Variants in CAPN10 observed in about 807,000 individuals in gnomAD.
CAPN10 encodes calpain-10.
A neutral mutation model predicts 78.4 loss-of-function variants in CAPN10; 71 were observed. The ratio of observed to expected loss-of-function variants is 0.91; its 90% CI spans 0.75 to 1.10. The LOEUF (loss-of-function observed/expected upper bound fraction) is 1.10, where lower values mean the gene tolerates loss of function less well. Among genes scored for constraint, CAPN10 ranks in the 50% least tolerant of loss-of-function variants. The pLI is 0.00. For missense variants in CAPN10, 849 were observed against 924.6 expected, an observed-to-expected ratio of 0.92 and a Z score of 1.06; for synonymous variants, 437 against 407.2, an observed-to-expected ratio of 1.07 and a Z score of -0.88.
At chr2:240,594,834 G>A (rs2093126004) in intron 6 of CAPN10, 125 bp downstream of exon 6, 2 of 1,253,266 alleles carry the variant, frequency 1.6e-6, no homozygotes, top group Admixed American at 4.5e-5. Context: ...AGATGATTCT[G>A]TCCCAGGAGC....
intron 6 of CAPN10, 42 bp from the exon 7 acceptor site, chr2:240,594,982 G>A (rs1338764465): frequency 6.2e-7 from 1 of 1,600,240 alleles, no homozygotes; most frequent in East Asian, 2.2e-5. Flanking sequence ...AGGCCAGCGA[G>A]GAGCCGTGTC....
At chr2:240,589,285 AG>A in intron 1 of CAPN10, 57 bp from the exon 2 acceptor site, 1 of 1,610,846 alleles carries the variant, frequency 6.2e-7, no homozygotes, top group Non-Finnish European at 8.5e-7. Context: ...TTGGGTTCTT[AG>A]TTTGAAGGGT....
chr2:240,589,416 A>G lies in CAPN10; in HGVS notation c.215A>G (p.Asp72Gly), dbSNP rs1575445514. The change falls in exon 2 of 12, where the codon GAT (aspartate) becomes GGT (glycine). Residue 72 changes from aspartate to glycine, a missense_variant. Transcript: ENST00000391984. The part of the protein sequence containing the change: ...EGQVKQGLLG[D>G]CWFLCACAAL... ...CAGGTGAAGCAGGGGCTGCTGGGGG[A>G]TTGCTGGTTCCTGTGTGCCTGCGCC... The G allele has an allele frequency of 1.2e-6, 2 of 1,613,842 alleles. No homozygotes were observed. Among genetic ancestry groups the G allele is most frequent in the Non-Finnish European group, 1.7e-6 (2 of 1,179,992 alleles).
intron 9 of CAPN10, among the ~76,000 whole-genome samples, 161 bp from the exon 10 acceptor site, chr2:240,597,727 C>G (rs1024225661): frequency 3.9e-5 from 6 of 152,128 alleles, no homozygotes; most frequent in African/African-American, 1.4e-4. Flanking sequence ...GTGGCCAGGC[C>G]TTGGTGAGGA....
intron 7 of CAPN10, 94 bp downstream of exon 7, chr2:240,595,398 T>C: frequency 1.5e-6 from 2 of 1,360,968 alleles, no homozygotes; most frequent in South Asian, 1.3e-5. Flanking sequence ...CCGGGACACA[T>C]GTGACTCTGC....
At chr2:240,587,168 G>A in intron 1 of CAPN10, 116 bp downstream of exon 1, 1 of 528,832 alleles carries the variant, frequency 1.9e-6, no homozygotes, top group East Asian at 3.5e-5. Flanking sequence ...GTCCGCCGTT[G>A]TTCTCCTCAG....
intron 3 of CAPN10, chr2:240,591,396 C>A (rs2093101147): frequency 4.1e-6 from 1 of 242,848 alleles, no homozygotes; most frequent in Non-Finnish European, 8.0e-6. Flanking sequence ...CCCAGCATAC[C>A]AACACTTGTG....
chr2:240,598,010 C>T lies in CAPN10; in HGVS notation c.1866C>T (p.Thr622=). The T allele has an allele frequency of 6.2e-7, 1 of 1,613,256 alleles. No homozygotes were observed. The highest frequency in any genetic ancestry group is 1.1e-5 in the South Asian group (1 of 91,078). The change falls in exon 10 of 12, where the codon ACC becomes ACT. Residue 622 remains threonine (T), a synonymous_variant. Coordinates refer to ENST00000391984, the MANE Select transcript of CAPN10 (RefSeq NM_023083.4). The part of the protein sequence containing the change: ...VSRLCLLPAG[T]YKVVPSTYLP... ...GGCTCTGCCTCCTGCCTGCGGGCACCTACAAGGTTGTGCCCTCCACCTACC... is the reference window on the plus strand; with the variant it reads ...GGCTCTGCCTCCTGCCTGCGGGCACTTACAAGGTTGTGCCCTCCACCTACC...
At chr2:240,592,291 G>A (rs2093107515) in intron 4 of CAPN10, 141 bp downstream of exon 4, 1 of 781,720 alleles carries the variant, frequency 1.3e-6, no homozygotes, top group Non-Finnish European at 2.1e-6. Flanking sequence ...GTTCTCAAGG[G>A]TGGTGTCCTC....
chr2:240,592,380 CGAGGCAG>C (rs1298689392), intron 4 of CAPN10: 36 of 693,846 alleles, frequency 5.2e-5, no homozygotes, highest in Admixed American at 6.2e-5. Context: ...TCCACTAGTG[CGAGGCAG>C]GAAGAGGTGG....
intron 5 of CAPN10, chr2:240,594,249 TG>T (rs781683857): frequency 2.4e-5 from 15 of 614,178 alleles, no homozygotes; most frequent in Non-Finnish European, 3.8e-5. Context: ...CCATTGGGCC[TG>T]GGGTTTCAAT....
At chr2:240,587,107 C>T (rs2093073185) in intron 1 of CAPN10, 55 bp downstream of exon 1, 4 of 1,194,882 alleles carry the variant, frequency 3.3e-6, no homozygotes, top group African/African-American at 1.6e-5. Context: ...GATCTCCGCT[C>T]CTCGCAGGGA....
Position 240,596,398 on chromosome 2 carries a change from G to A in CAPN10, c.1358G>A (p.Arg453Gln), listed in dbSNP as rs1048029128. The A allele has an allele frequency of 4.3e-6, 7 of 1,613,390 alleles. No homozygotes were observed. Among genetic ancestry groups the A allele is most frequent in the East Asian group, 2.2e-5 (1 of 44,886 alleles). Residue 453 changes from arginine (R) to glutamine (Q), a missense_variant, in exon 8 of 12, where the codon CGG becomes CAG. Arg to Gln is a conservative substitution (Grantham distance 43). Coordinates refer to ENST00000391984, the MANE Select transcript of CAPN10 (RefSeq NM_023083.4). Reference protein sequence around the residue: ...VAGTACHAYDREVHLRCELSP... With the variant: ...VAGTACHAYDQEVHLRCELSP... ...GGCACCGCGTGCCATGCATACGACC[G>A]GGAGGTCCACCTGCGTTGTGAGCTC...
Position 240,595,169 on chromosome 2 carries a change from C to G in CAPN10, c.1143C>G (p.Val381=). The G allele has an allele frequency of 6.2e-7, 1 of 1,613,908 alleles. No individual in the cohort carries two copies. Among genetic ancestry groups the G allele is most frequent in the Non-Finnish European group, 8.5e-7 (1 of 1,180,046 alleles). Residue 381 remains valine, a synonymous_variant, in exon 7 of 12, where the codon GTC becomes GTG. Coordinates refer to ENST00000391984, the MANE Select transcript of CAPN10 (RefSeq NM_023083.4). ...VSEPSEVYIA[V]LQRSRLHAAD... ...AACCGAGTGAGGTGTACATTGCCGT[C>G]CTGCAGAGATCCAGGCTGCACGCGG...
intron 11 of CAPN10, 58 bp from the exon 12 acceptor site, chr2:240,598,588 CGGGGT>C: frequency 6.5e-7 from 1 of 1,532,146 alleles, no homozygotes; most frequent in Non-Finnish European, 8.9e-7. Flanking sequence ...TGGCTGCACT[CGGGGT>C]GGGGTGTGAG....
At chr2:240,595,471 TC>T in intron 7 of CAPN10, 167 bp downstream of exon 7, 1 of 702,512 alleles carries the variant, frequency 1.4e-6, no homozygotes, top group Non-Finnish European at 2.4e-6. Flanking sequence ...CTGCTGGTGC[TC>T]CCAGACCCGG....
In CAPN10 at chr2:240,594,712, A is replaced by C; in HGVS notation, c.997+3A>C. On this transcript the variant is annotated splice_donor_region_variant and intron_variant, in intron 6 of 11. Transcript: ENST00000391984. ...CCACCTGCAGAGCCTCTACACAGGT[A>C]GTGCCCCGAGGGGCTGTGCTGGGCA... 6.2e-7 allele frequency: 1 copy of C among 1,611,756 alleles called. No individual in the cohort carries two copies. The highest frequency in any genetic ancestry group is 8.5e-7 in the Non-Finnish European group (1 of 1,178,870).
chr2:240,589,666 GT>G, intron 2 of CAPN10, 192 bp downstream of exon 2: 1 of 720,864 alleles, frequency 1.4e-6, no homozygotes, highest in South Asian at 1.9e-5. Flanking sequence ...GCAGGGGGGG[GT>G]GCCTTGGCCT....
At chr2:240,587,088 G>A in intron 1 of CAPN10, 36 bp downstream of exon 1, 1 of 1,312,176 alleles carries the variant, frequency 7.6e-7, no homozygotes, top group Non-Finnish European at 9.8e-7. Flanking sequence ...CGCCGTTTCT[G>A]GTTTCTGAGA....
Sources: gnomAD v4.1 joint callset for allele counts (sites outside exome capture counted in the v4.1 genomes callset) on GRCh38, gnomAD v4.1.1 for gene constraint, MANE v1.5 for transcripts, NCBI Gene and HGNC (gene_info 2026-07-23, HGNC 2026-07-21) for gene names.